Variants in RNF150 observed in about 807,000 individuals in gnomAD.
The protein encoded by RNF150 is ring finger protein 150.
A neutral mutation model predicts 39.3 loss-of-function variants in RNF150; 24 were observed. That is an observed-to-expected ratio of 0.61 (90% CI 0.44 to 0.86). The LOEUF is 0.86. Ranked by LOEUF, RNF150 falls within the 40% of genes least tolerant of loss-of-function variation. The pLI is 0.00. For missense variants in RNF150, 502 were observed against 587.8 expected (o/e 0.85, Z 1.51); for synonymous variants, 255 against 227.3 (o/e 1.12, Z -1.10).
intron 4 of RNF150, 104 bp downstream of exon 4, chr4:140,947,550 G>T: frequency 1.3e-6 from 1 of 775,324 alleles, no homozygotes; most frequent in South Asian, 1.6e-5. Flanking sequence ...CACTGAGGCA[G>T]ACTGACCTGG....
intron 1 of RNF150, among the ~76,000 whole-genome samples, chr4:141,196,176 A>T (rs1468536584): frequency 6.6e-6 from 1 of 152,098 alleles, no homozygotes; most frequent in Non-Finnish European, 1.5e-5. Flanking sequence ...AAGAGGTATG[A>T]TGGTTCTGGC....
intron 1 of RNF150, among the ~76,000 whole-genome samples, chr4:140,992,077 C>T (rs1450972466): frequency 6.6e-6 from 1 of 152,098 alleles, no homozygotes; most frequent in Non-Finnish European, 1.5e-5. Flanking sequence ...AACATACTAA[C>T]CTGAGTTGTC....
intron 1 of RNF150, among the ~76,000 whole-genome samples, chr4:141,060,093 T>C (rs1204923643): frequency 6.6e-6 from 1 of 152,226 alleles, no homozygotes; most frequent in African/African-American, 2.4e-5. Flanking sequence ...CCATGTTTTA[T>C]TGCAAACACA....
intron 1 of RNF150, among the ~76,000 whole-genome samples, chr4:141,082,472 A>C (rs926869121): frequency 6.6e-6 from 1 of 152,214 alleles, no homozygotes; most frequent in Non-Finnish European, 1.5e-5. Flanking sequence ...AAATGATTTT[A>C]TGACAGTCCT....
intron 1 of RNF150, among the ~76,000 whole-genome samples, chr4:141,110,847 A>G (rs1338838932): frequency 6.6e-6 from 1 of 152,168 alleles, no homozygotes; most frequent in Non-Finnish European, 1.5e-5. Flanking sequence ...AAAGGTAAAG[A>G]AAATAAATTA....
At chr4:141,028,223 G>T (rs1228018851) in intron 1 of RNF150, among the ~76,000 whole-genome samples, 1 of 151,994 alleles carries the variant, frequency 6.6e-6, no homozygotes, top group Non-Finnish European at 1.5e-5. Context: ...ATGGTTGATG[G>T]GTTCACATTT....
chr4:140,997,630 G>A (rs554866132), intron 1 of RNF150, among the ~76,000 whole-genome samples: 7 of 146,910 alleles, frequency 4.8e-5, no homozygotes, highest in Non-Finnish European at 7.6e-5. Flanking sequence ...CAGGAGAATC[G>A]CTTGAACTCG....
intron 1 of RNF150, among the ~76,000 whole-genome samples, chr4:141,189,286 G>A (rs575964331): frequency 3.6e-4 from 55 of 152,264 alleles, no homozygotes; most frequent in African/African-American, 1.2e-3. Context: ...TCCCAGAGGG[G>A]CACCCTCCAG....
intron 1 of RNF150, among the ~76,000 whole-genome samples, chr4:141,160,014 T>C (rs1039994394): frequency 6.6e-6 from 1 of 152,136 alleles, no homozygotes; most frequent in Non-Finnish European, 1.5e-5. Flanking sequence ...GCTGTGATTC[T>C]AGAAGCTCTG....
chr4:140,949,372 G>A lies in RNF150; in HGVS notation c.736C>T (p.Arg246Cys), dbSNP rs748277030. The A allele has an allele frequency of 1.9e-5, 30 of 1,612,244 alleles. No homozygotes were observed. Among genetic ancestry groups the A allele is most frequent in the South Asian group, 1.3e-4 (12 of 90,644 alleles). The part of the protein sequence containing the change: ...RYANARDRNQ[R>C]RLGDAAKKAI... ...TTCTTTGCTGCATCCCCCAGTCGGC[G>A]CTGAAAAGCCAAAACGTGCTTGTTA... is the stretch of plus-strand genomic sequence containing the variant. The change falls in exon 3 of 7, where the codon CGC becomes TGC. Residue 246 changes from arginine (R) to cysteine (C), a missense_variant and splice_region_variant. By Grantham distance (180) the Arg-to-Cys change is radical. Transcript: ENST00000515673.
intron 4 of RNF150, chr4:140,944,667 A>C (rs1732216150): frequency 6.6e-6 from 1 of 152,216 alleles, no homozygotes; most frequent in Admixed American, 6.5e-5. Context: ...TCTAAATGAA[A>C]ACAATAGTGA....
chr4:141,205,365 A>G (rs1728357487), intron 1 of RNF150, among the ~76,000 whole-genome samples: 1 of 152,212 alleles, frequency 6.6e-6, no homozygotes, highest in Non-Finnish European at 1.5e-5. Flanking sequence ...AAATCTCTGC[A>G]TGTTTCATTC....
chr4:140,899,970 CTCTCTGTGTGTGTG>C (rs1187542295), intron 6 of RNF150, among the ~76,000 whole-genome samples: 2 of 135,306 alleles, frequency 1.5e-5, no homozygotes, highest in East Asian at 2.4e-4. Flanking sequence ...CTCTCTCTCT[CTCTCTGTGTGTGTG>C]TGTGTGTGTG....
At chr4:140,980,027 T>A (rs1733803161) in intron 1 of RNF150, among the ~76,000 whole-genome samples, 1 of 152,052 alleles carries the variant, frequency 6.6e-6, no homozygotes, top group Admixed American at 6.6e-5. Context: ...TCACAATGAA[T>A]CCCCTTAAGG....
At chr4:141,023,551 G>A (rs1174365630) in intron 1 of RNF150, among the ~76,000 whole-genome samples, 1 of 33,044 alleles carries the variant, frequency 3.0e-5, no homozygotes, top group Admixed American at 3.6e-4. Flanking sequence ...TCCGCACCTG[G>A]CTGAAATTAA....
At chr4:141,061,235 G>A (rs568104964) in intron 1 of RNF150, among the ~76,000 whole-genome samples, 9 of 152,036 alleles carry the variant, frequency 5.9e-5, no homozygotes, top group Middle Eastern at 3.4e-3. Flanking sequence ...ATGTACATTC[G>A]CAGAAGATTC....
chr4:140,997,205 T>C (rs1734406635), intron 1 of RNF150, among the ~76,000 whole-genome samples: 1 of 152,246 alleles, frequency 6.6e-6, no homozygotes, highest in African/African-American at 2.4e-5. Flanking sequence ...AGTTTGTATA[T>C]GTGAGAAAAC....
At chr4:141,136,496 G>T (rs2111119602), upstream of RNF150, among the ~76,000 whole-genome samples, 1 of 152,302 alleles carries the variant, frequency 6.6e-6, no homozygotes, top group East Asian at 1.9e-4. Context: ...TTGTGCTAAT[G>T]ATTTTCTGGC....
chr4:141,204,933 A>G (rs1372766982), intron 1 of RNF150, among the ~76,000 whole-genome samples: 1 of 152,180 alleles, frequency 6.6e-6, no homozygotes, highest in Non-Finnish European at 1.5e-5. Context: ...TTTTGAGTGT[A>G]AAATTTTGTC....
Sources: allele counts gnomAD v4.1 joint callset (sites outside exome capture counted in the v4.1 genomes callset), GRCh38; gene constraint gnomAD v4.1.1; transcripts MANE v1.5; gene names NCBI Gene and HGNC (gene_info 2026-07-23, HGNC 2026-07-21).